Variants in GRIN2B observed in about 807,000 individuals in gnomAD.
GRIN2B encodes glutamate receptor ionotropic, NMDA 2B.
Under a neutral mutation model 114.5 loss-of-function variants are expected in GRIN2B, and 5 were observed. The ratio of observed to expected loss-of-function variants is 0.04; its 90% CI spans 0.02 to 0.09. The LOEUF is 0.09. Among genes scored for constraint, GRIN2B ranks in the 10% least tolerant of loss-of-function variants. GRIN2B has a pLI of 1.00. For missense variants in GRIN2B, 1,108 were observed against 1,943.5 expected, an observed-to-expected ratio of 0.57 and a Z score of 8.08; for synonymous variants, 787 against 745.1, an observed-to-expected ratio of 1.06 and a Z score of -0.92.
intron 3 of GRIN2B, among the ~76,000 whole-genome samples, chr12:13,861,949 C>T (rs1865759302): frequency 6.6e-6 from 1 of 152,168 alleles, no homozygotes; most frequent in Non-Finnish European, 1.5e-5. Flanking sequence ...CTCATTTAAT[C>T]CTCGACAACC....
At chr12:13,595,256 G>A (rs1296341694) in intron 10 of GRIN2B, among the ~76,000 whole-genome samples, 3 of 152,296 alleles carry the variant, frequency 2.0e-5, no homozygotes, top group African/African-American at 7.2e-5. Flanking sequence ...AGGTCTTAGT[G>A]TCCATTGATT....
At chr12:13,692,238 T>G (rs980853474) in intron 4 of GRIN2B, among the ~76,000 whole-genome samples, 2 of 152,040 alleles carry the variant, frequency 1.3e-5, no homozygotes, top group Non-Finnish European at 2.9e-5. Context: ...GCAGGTAAAA[T>G]GGAAACTATG....
At chr12:13,749,107 T>C (rs1003129983) in intron 4 of GRIN2B, among the ~76,000 whole-genome samples, 1 of 152,256 alleles carries the variant, frequency 6.6e-6, no homozygotes, top group East Asian at 1.9e-4. Context: ...TGATAAGTAA[T>C]GTTCATTTGA....
chr12:13,779,139 C>T (rs972345587), intron 3 of GRIN2B, among the ~76,000 whole-genome samples: 2 of 152,130 alleles, frequency 1.3e-5, no homozygotes, highest in East Asian at 1.9e-4. Flanking sequence ...CGCCTCCTGG[C>T]TTCAAGTGCT....
intron 3 of GRIN2B, among the ~76,000 whole-genome samples, chr12:13,820,999 T>C (rs924551881): frequency 6.6e-6 from 1 of 152,156 alleles, no homozygotes; most frequent in Admixed American, 6.6e-5. Context: ...GGTTTTTTTC[T>C]TATTTTCCAA....
chr12:13,642,695 G>A lies in GRIN2B; in HGVS notation c.1126-26038C>T, dbSNP rs147605574. On this transcript the variant is annotated intron_variant, in intron 5 of 13. Transcript: ENST00000609686. ...TTGCTTATGCATTCCTTCTCCGTGC[G>A]TGCTCAAATATTTGAATGCTGGTTA... Among the ~76,000 whole-genome samples the A allele has an allele frequency of 8.5e-5, 13 of 152,156 alleles. No individual in the cohort carries two copies. In the East Asian group the frequency reaches 1.5e-3, roughly 18 times the overall value.
rs536914854 is a variant in GRIN2B, at chr12:13,606,198, C to A, written c.2010+2405G>T. 2.0e-5 allele frequency among the ~76,000 whole-genome samples: 3 copies of A among 150,392 alleles called. No individual in the cohort carries two copies. The Admixed American group carries it at 2.0e-4, about 10-fold the overall frequency. On this transcript the variant is annotated intron_variant, in intron 10 of 13. Coordinates refer to ENST00000609686, the MANE Select transcript of GRIN2B (RefSeq NM_000834.5). Reference sequence around the variant, plus strand: ...ATTTTATGTTGCTATAGAGGAATACCTGAGACTAGGTAATTTATAAAGAAA... The same window carrying A: ...ATTTTATGTTGCTATAGAGGAATACATGAGACTAGGTAATTTATAAAGAAA...
At chr12:13,628,415 C>A (rs1240020557) in intron 5 of GRIN2B, among the ~76,000 whole-genome samples, 2 of 152,248 alleles carry the variant, frequency 1.3e-5, no homozygotes, top group Non-Finnish European at 2.9e-5. Context: ...ACACCCTCTT[C>A]ATGATCCTTC....
intron 2 of GRIN2B, among the ~76,000 whole-genome samples, chr12:13,947,082 A>C (rs1354303165): frequency 6.6e-6 from 1 of 152,190 alleles, no homozygotes; most frequent in Non-Finnish European, 1.5e-5. Context: ...GGAAACTGAT[A>C]ATCTGAACAT....
intron 5 of GRIN2B, among the ~76,000 whole-genome samples, chr12:13,628,377 T>C (rs1949589641): frequency 6.6e-6 from 1 of 152,218 alleles, no homozygotes. Flanking sequence ...CAGCTTGCTC[T>C]ACCCCTTGCC....
At chr12:13,718,856 T>G (rs185521293) in intron 4 of GRIN2B, among the ~76,000 whole-genome samples, 1 of 152,146 alleles carries the variant, frequency 6.6e-6, no homozygotes, top group Admixed American at 6.6e-5. Context: ...AGAGAAGATA[T>G]GCATCAATGA....
At chr12:13,859,692 G>T (rs962087391) in intron 3 of GRIN2B, among the ~76,000 whole-genome samples, 1 of 152,086 alleles carries the variant, frequency 6.6e-6, no homozygotes, top group African/African-American at 2.4e-5. Context: ...TCCCACTATT[G>T]TTGTAGATGT....
At chr12:13,607,740 G>A in intron 10 of GRIN2B, among the ~76,000 whole-genome samples, 1 of 149,934 alleles carries the variant, frequency 6.7e-6, no homozygotes, top group African/African-American at 2.5e-5. Flanking sequence ...GGGTGGGAGT[G>A]GAAAAATATC....
intron 4 of GRIN2B, among the ~76,000 whole-genome samples, chr12:13,712,466 G>A (rs1486010467): frequency 6.6e-6 from 1 of 151,706 alleles, no homozygotes; most frequent in Non-Finnish European, 1.5e-5. Flanking sequence ...CAAAACAGTG[G>A]TCGCCTTTGT....
At chr12:13,771,331 T>C (rs1222144545) in intron 3 of GRIN2B, among the ~76,000 whole-genome samples, 1 of 152,216 alleles carries the variant, frequency 6.6e-6, no homozygotes, top group Non-Finnish European at 1.5e-5. Flanking sequence ...GGTATGTCTT[T>C]ATTAACAGCA....
intron 4 of GRIN2B, among the ~76,000 whole-genome samples, chr12:13,725,870 A>G (rs111685211): frequency 6.6e-6 from 1 of 152,106 alleles, no homozygotes; most frequent in Non-Finnish European, 1.5e-5. Context: ...AGGTGAGCGC[A>G]TGGGGTTAAC....
intron 8 of GRIN2B, among the ~76,000 whole-genome samples, 177 bp downstream of exon 8, chr12:13,614,937 A>G (rs1370436066): frequency 1.3e-5 from 2 of 152,214 alleles, no homozygotes; most frequent in African/African-American, 4.8e-5. Context: ...GGTGTTCATC[A>G]GCTTTCATGT....
At chr12:13,801,724 G>C (rs1190832078) in intron 3 of GRIN2B, among the ~76,000 whole-genome samples, 1 of 152,152 alleles carries the variant, frequency 6.6e-6, no homozygotes, top group African/African-American at 2.4e-5. Flanking sequence ...AAGCAGCCCT[G>C]TGTCAAGGAG....
intron 1 of GRIN2B, among the ~76,000 whole-genome samples, chr12:13,981,037 C>G (rs116624112): frequency 0.014 from 2,179 of 152,204 alleles, 53 homozygotes; most frequent in African/African-American, 0.049. Flanking sequence ...GTCGATTGGA[C>G]GGATGGGCTC....
Sources: allele counts gnomAD v4.1 joint callset (sites outside exome capture counted in the v4.1 genomes callset), GRCh38; gene constraint gnomAD v4.1.1; transcripts MANE v1.5; gene names NCBI Gene and HGNC (gene_info 2026-07-23, HGNC 2026-07-21).